SYK: variants seen among roughly 807,000 people sequenced by gnomAD.
SYK encodes the protein spleen associated tyrosine kinase, also known as tyrosine-protein kinase SYK.
Under a neutral mutation model 77.8 loss-of-function variants are expected in SYK, and 16 were observed. The observed-to-expected ratio is 0.21, with a 90% confidence interval of 0.14 to 0.31. The LOEUF is 0.31. Among genes scored for constraint, SYK ranks in the 10% least tolerant of loss-of-function variants. The pLI is 1.00. For synonymous variants in SYK, 312 were observed against 308.7 expected, an observed-to-expected ratio of 1.01 and a Z score of -0.11; for missense variants, 529 against 814.4, an observed-to-expected ratio of 0.65 and a Z score of 4.26.
At chr9:90,879,323 T>C (rs16906923) in intron 11 of SYK, among the ~76,000 whole-genome samples, 28,720 of 152,166 alleles carry the variant, frequency 0.19, 3,080 homozygotes, top group Admixed American at 0.3. Flanking sequence ...TCATGCTACT[T>C]AACATTACGA....
chr9:90,890,332 AC>A (rs1182358450), intron 13 of SYK, among the ~76,000 whole-genome samples: 3 of 152,226 alleles, frequency 2.0e-5, no homozygotes, highest in Admixed American at 6.5e-5. Flanking sequence ...GACGCACGTA[AC>A]AGTGGGCAGT....
chr9:90,874,951 T>C, intron 9 of SYK, 102 bp downstream of exon 9: 5 of 1,315,356 alleles, frequency 3.8e-6, no homozygotes, highest in Non-Finnish European at 5.3e-6. Context: ...ACCCTTTTTT[T>C]ATTAATGCTA....
At chr9:90,850,997 A>G (rs1233845763) in intron 3 of SYK, among the ~76,000 whole-genome samples, 1 of 152,200 alleles carries the variant, frequency 6.6e-6, no homozygotes, top group Non-Finnish European at 1.5e-5. Context: ...CCTCAGAACT[A>G]TATGTGAAAT....
intron 1 of SYK, among the ~76,000 whole-genome samples, chr9:90,833,685 T>C (rs1326976335): frequency 6.6e-6 from 1 of 152,238 alleles, no homozygotes; most frequent in African/African-American, 2.4e-5. Context: ...ATGGATCTAT[T>C]GCTCTTCATC....
At chr9:90,848,882 C>T (rs139957229) in intron 3 of SYK, among the ~76,000 whole-genome samples, 3 of 152,318 alleles carry the variant, frequency 2.0e-5, no homozygotes, top group Non-Finnish European at 4.4e-5. Context: ...CTTTCTGCTG[C>T]GTGGGGAGGA....
At chr9:90,802,622 C>A (rs1826772676) in intron 1 of SYK, among the ~76,000 whole-genome samples, 1 of 151,688 alleles carries the variant, frequency 6.6e-6, no homozygotes, top group Non-Finnish European at 1.5e-5. Context: ...AACCTTAAGC[C>A]CACCTAAAAA....
At chr9:90,860,266 A>G (rs1468171198) in intron 3 of SYK, among the ~76,000 whole-genome samples, 1 of 152,250 alleles carries the variant, frequency 6.6e-6, no homozygotes, top group African/African-American at 2.4e-5. Context: ...CAACTTTTAT[A>G]GGCATATGCA....
chr9:90,875,571 A>C (rs1486367449), intron 9 of SYK, among the ~76,000 whole-genome samples: 3 of 152,164 alleles, frequency 2.0e-5, no homozygotes, highest in Admixed American at 1.3e-4. Context: ...AAATCATTCC[A>C]TTATAACAAT....
At chr9:90,806,076 G>A (rs1028095147) in intron 1 of SYK, among the ~76,000 whole-genome samples, 3 of 152,148 alleles carry the variant, frequency 2.0e-5, no homozygotes, top group African/African-American at 7.2e-5. Flanking sequence ...GCTAAAGCAA[G>A]GTATATCATT....
rs2118629309 is a variant in SYK at position 90,843,965 on chromosome 9, G to A, written c.67G>A (p.Glu23Lys). ...LPFFFGNITREEAEDYLVQGG... is the reference protein window; with the variant it reads ...LPFFFGNITRKEAEDYLVQGG... ...CTTCTTTTTCGGCAACATCACCCGG[G>A]AGGAGGCAGAAGATTACCTGGTCCA... The change falls in exon 2 of 14, where the codon GAG becomes AAG. Residue 23 changes from glutamate (E) to lysine (K), a missense_variant. Glu to Lys is a moderately conservative substitution (Grantham distance 56). This residue lies in a region of SYK where 321 missense variants were observed against 433.1 expected (regional missense o/e 0.74). Coordinates refer to ENST00000375754, the MANE Select transcript of SYK (RefSeq NM_003177.7). 1 of 1,595,236 alleles carries A rather than the reference G, an allele frequency of 6.3e-7. No individual in the cohort carries two copies.
intron 13 of SYK, among the ~76,000 whole-genome samples, chr9:90,891,476 T>A (rs1345239284): frequency 6.6e-6 from 1 of 152,202 alleles, no homozygotes; most frequent in Non-Finnish European, 1.5e-5. Flanking sequence ...TGAATATCCC[T>A]GGCTCCAGGG....
At chr9:90,835,071 AG>A in intron 1 of SYK, among the ~76,000 whole-genome samples, 1 of 152,178 alleles carries the variant, frequency 6.6e-6, no homozygotes, top group South Asian at 2.1e-4. Flanking sequence ...TAGATGAGAC[AG>A]CCCCCGACCC....
At chr9:90,879,078 GTAAGA>G in intron 11 of SYK, 125 bp downstream of exon 11, 1 of 630,592 alleles carries the variant, frequency 1.6e-6, no homozygotes. Context: ...AAATAACTAT[GTAAGA>G]TATGTTCTTA....
intron 7 of SYK, among the ~76,000 whole-genome samples, chr9:90,870,654 A>C (rs991762771): frequency 1.3e-5 from 2 of 152,160 alleles, no homozygotes; most frequent in Admixed American, 1.3e-4. Flanking sequence ...ATTTTCATGG[A>C]TCTCAGAGCA....
At chr9:90,893,014 T>G (rs1828856371) in intron 13 of SYK, among the ~76,000 whole-genome samples, 1 of 152,214 alleles carries the variant, frequency 6.6e-6, no homozygotes, top group South Asian at 2.1e-4. Context: ...CCTGGGTCAT[T>G]CACAGGGTCG....
intron 4 of SYK, among the ~76,000 whole-genome samples, chr9:90,863,394 A>G (rs1292459989): frequency 6.6e-6 from 1 of 152,126 alleles, no homozygotes; most frequent in Non-Finnish European, 1.5e-5. Flanking sequence ...TGAGGAAAGG[A>G]CTCAACTCAA....
chr9:90,819,448 G>T (rs890088500), intron 1 of SYK, among the ~76,000 whole-genome samples: 1 of 152,216 alleles, frequency 6.6e-6, no homozygotes, highest in South Asian at 2.1e-4. Flanking sequence ...TGGAATTACA[G>T]TTCCACATGG....
rs1829055174 is a variant in SYK, at chr9:90,897,950, A to G, written c.*2350A>G. ...AGGTAACCTAATTGAAGGATTGGTC[A>G]TGTGAAAAGGGCTACATTTGGGAAG... On this transcript the variant is annotated 3_prime_UTR_variant, in exon 14 of 14. Transcript: ENST00000375754. 1 of 228,692 alleles carries G rather than the reference A, an allele frequency of 4.4e-6. No homozygotes were observed. The highest frequency in any genetic ancestry group is 8.7e-6 in the Non-Finnish European group (1 of 115,178). The allele number at this position is 228,692 out of a possible 1,614,324, so 14.2% of individuals were successfully genotyped here. A position where few individuals can be genotyped will look rare whatever the true frequency, so the allele number is the denominator to read the frequency against.
intron 1 of SYK, among the ~76,000 whole-genome samples, chr9:90,807,932 G>A (rs1346147510): frequency 6.6e-6 from 1 of 152,158 alleles, no homozygotes; most frequent in Non-Finnish European, 1.5e-5. Flanking sequence ...ATAATGGTGG[G>A]CTGTGTATGT....
Sources: gnomAD v4.1 joint callset for allele counts (sites outside exome capture counted in the v4.1 genomes callset) on GRCh38, gnomAD v4.1.1 for gene constraint, gnomAD v4.1.1 regional missense constraint, MANE v1.5 for transcripts, NCBI Gene and HGNC (gene_info 2026-07-23, HGNC 2026-07-21) for gene names.